MEF2A: variants seen among roughly 807,000 people sequenced by gnomAD.
The protein encoded by MEF2A is myocyte enhancer factor 2A, also known as myocyte-specific enhancer factor 2A.
MEF2A carries 28 observed loss-of-function variants against 55.8 expected under a neutral mutation model. That is an observed-to-expected ratio of 0.50 (90% CI 0.37 to 0.69). The LOEUF is 0.69. Ranked by LOEUF, MEF2A falls within the 30% of genes least tolerant of loss-of-function variation. The pLI is 0.00. For synonymous variants in MEF2A, 239 were observed against 227.1 expected, an observed-to-expected ratio of 1.05 and a Z score of -0.47; for missense variants, 528 against 626.2, an observed-to-expected ratio of 0.84 and a Z score of 1.67.
At chr15:99,595,676 T>C (rs890839110) in intron 1 of MEF2A, among the ~76,000 whole-genome samples, 3 of 152,250 alleles carry the variant, frequency 2.0e-5, no homozygotes, top group Non-Finnish European at 1.5e-5. Flanking sequence ...GACTCATACT[T>C]GTACAACTAA....
chr15:99,668,111 A>G (rs532005109), intron 4 of MEF2A, among the ~76,000 whole-genome samples: 4 of 152,354 alleles, frequency 2.6e-5, no homozygotes, highest in African/African-American at 9.6e-5. Flanking sequence ...TGTGACATAA[A>G]TAGAAAAATG....
intron 5 of MEF2A, among the ~76,000 whole-genome samples, chr15:99,672,734 G>A (rs1050147730): frequency 1.3e-4 from 20 of 152,068 alleles, no homozygotes; most frequent in Non-Finnish European, 2.8e-4. Context: ...ATAGTATCTT[G>A]GGGATGGGAC....
chr15:99,648,104 AC>A (rs1278120036), intron 4 of MEF2A, among the ~76,000 whole-genome samples: 2 of 152,222 alleles, frequency 1.3e-5, no homozygotes, highest in African/African-American at 4.8e-5. Context: ...TAATGAAGTT[AC>A]TTACATAGAG....
intron 8 of MEF2A, among the ~76,000 whole-genome samples, chr15:99,695,171 TCTGA>T (rs1362383061): frequency 1.3e-5 from 2 of 152,072 alleles, no homozygotes; most frequent in Non-Finnish European, 2.9e-5. Context: ...CCAAAAGGTA[TCTGA>T]CTATGTAAGG....
At chr15:99,596,184 GA>G (rs780932656) in intron 1 of MEF2A, among the ~76,000 whole-genome samples, 8 of 152,142 alleles carry the variant, frequency 5.3e-5, no homozygotes, top group Non-Finnish European at 8.8e-5. Context: ...TGCATTTTGA[GA>G]TGAGAATATG....
intron 2 of MEF2A, among the ~76,000 whole-genome samples, chr15:99,626,934 G>A (rs896853522): frequency 6.6e-6 from 1 of 152,114 alleles, no homozygotes; most frequent in Non-Finnish European, 1.5e-5. Flanking sequence ...GGAAATGGAA[G>A]GTTTCTGGAA....
At chr15:99,702,517 G>GC (rs1208259611) in intron 8 of MEF2A, among the ~76,000 whole-genome samples, 1 of 144,460 alleles carries the variant, frequency 6.9e-6, no homozygotes, top group African/African-American at 2.6e-5. Context: ...AACCTCTGCC[G>GC]CCCGGGTTCA....
chr15:99,679,444 A>G (rs2052773872), intron 7 of MEF2A, among the ~76,000 whole-genome samples: 1 of 152,258 alleles, frequency 6.6e-6, no homozygotes, highest in African/African-American at 2.4e-5. Flanking sequence ...AACATTATGA[A>G]TTAAAGAAGA....
chr15:99,678,050 AAATTG>A (rs1383444321), intron 7 of MEF2A, among the ~76,000 whole-genome samples: 1 of 152,184 alleles, frequency 6.6e-6, no homozygotes, highest in African/African-American at 2.4e-5. Context: ...ATAGAAAAAC[AAATTG>A]AATTAACAAA....
intron 3 of MEF2A, among the ~76,000 whole-genome samples, chr15:99,636,465 C>T (rs1193453677): frequency 6.6e-6 from 1 of 152,132 alleles, no homozygotes; most frequent in African/African-American, 2.4e-5. Context: ...CTCATCTTCA[C>T]CTCTTGAGTA....
intron 4 of MEF2A, among the ~76,000 whole-genome samples, chr15:99,663,068 A>C (rs1181943619): frequency 6.6e-6 from 1 of 152,016 alleles, no homozygotes; most frequent in Non-Finnish European, 1.5e-5. Flanking sequence ...AATAAAGTTG[A>C]GCGTATGTTA....
Position 99,714,857 on chromosome 15 carries a change from G to A in MEF2A, c.*2086G>A, listed in dbSNP as rs568102370. ...CCTTTTGACATTTTCCTCATCTGCT[G>A]TTTGTGACAAGTCATCAGCCAGATT... On this transcript the variant is annotated 3_prime_UTR_variant, in exon 12 of 12. Transcript: ENST00000557942. 2.5e-5 allele frequency: 3 copies of A among 120,182 alleles called. No homozygotes were observed. Among genetic ancestry groups the A allele is most frequent in the East Asian group, 2.4e-4 (1 of 4,114 alleles). The allele number at this position is 120,182 out of a possible 1,614,324, so 7.4% of individuals were successfully genotyped here.
At chr15:99,615,393 A>G (rs2040021660) in intron 2 of MEF2A, among the ~76,000 whole-genome samples, 1 of 152,194 alleles carries the variant, frequency 6.6e-6, no homozygotes, top group Non-Finnish European at 1.5e-5. Flanking sequence ...TTAAGTAATG[A>G]TTATCACTTA....
chr15:99,567,185 C>T (rs1476561522), intron 1 of MEF2A, among the ~76,000 whole-genome samples: 1 of 152,202 alleles, frequency 6.6e-6, no homozygotes, highest in Non-Finnish European at 1.5e-5. Flanking sequence ...TAGTGTTAAC[C>T]TGCGTTTTAG....
At chr15:99,595,298 G>T (rs1009442737) in intron 1 of MEF2A, among the ~76,000 whole-genome samples, 1 of 152,138 alleles carries the variant, frequency 6.6e-6, no homozygotes, top group African/African-American at 2.4e-5. Flanking sequence ...TTGTTATTAT[G>T]TTAGGCTTTC....
chr15:99,699,250 A>C (rs972075714), intron 8 of MEF2A, among the ~76,000 whole-genome samples: 1 of 152,192 alleles, frequency 6.6e-6, no homozygotes, highest in Non-Finnish European at 1.5e-5. Flanking sequence ...AAGAAATGCT[A>C]CTCAGCAATA....
intron 11 of MEF2A, among the ~76,000 whole-genome samples, chr15:99,711,301 A>G (rs760223398): frequency 6.6e-6 from 1 of 152,204 alleles, no homozygotes; most frequent in Non-Finnish European, 1.5e-5. Flanking sequence ...GGTGTCTTAT[A>G]TATCAGTCAG....
intron 1 of MEF2A, among the ~76,000 whole-genome samples, chr15:99,582,069 A>G (rs1480887589): frequency 6.6e-6 from 1 of 152,106 alleles, no homozygotes; most frequent in Non-Finnish European, 1.5e-5. Context: ...TTTGTTCTTC[A>G]GGTAAAAGAA....
chr15:99,629,846 AGGAG>A, intron 2 of MEF2A, among the ~76,000 whole-genome samples: 1 of 152,144 alleles, frequency 6.6e-6, no homozygotes, highest in Non-Finnish European at 1.5e-5. Flanking sequence ...AGGCTGAGGC[AGGAG>A]AATCGCTTGA....
Sources: allele counts gnomAD v4.1 joint callset (sites outside exome capture counted in the v4.1 genomes callset), GRCh38; gene constraint gnomAD v4.1.1; transcripts MANE v1.5; gene names NCBI Gene and HGNC (gene_info 2026-07-23, HGNC 2026-07-21).